Variants in LOXHD1 observed in about 807,000 individuals in gnomAD.
LOXHD1 encodes the protein lipoxygenase homology PLAT domains 1.
In LOXHD1, 205 loss-of-function variants were observed where a neutral mutation model predicts 248.2. The observed-to-expected ratio is 0.83, with a 90% confidence interval of 0.74 to 0.93. The LOEUF is 0.93. Among genes scored for constraint, LOXHD1 ranks in the 40% least tolerant of loss-of-function variants. LOXHD1 has a pLI of 0.00. For missense variants in LOXHD1, 2,930 were observed against 2,971.6 expected, an observed-to-expected ratio of 0.99 and a Z score of 0.33; for synonymous variants, 1,113 against 1,162.8, an observed-to-expected ratio of 0.96 and a Z score of 0.87.
At chr18:46,579,895 T>G in intron 12 of LOXHD1, 111 bp from the exon 13 acceptor site, 1 of 1,282,122 alleles carries the variant, frequency 7.8e-7, no homozygotes, top group South Asian at 1.5e-5. Flanking sequence ...AGTTCTCATC[T>G]GGGCTGACCT....
At position 46,559,437 on chromosome 18, in the gene LOXHD1, C is replaced by A; in HGVS notation, c.3216+11G>T. 6.4e-7 allele frequency: 1 copy of A among 1,552,024 alleles called. No homozygotes were observed. The stretch of plus-strand genomic sequence containing the variant: ...CAGCCCCCACCCAGGGGCCAGAGAC[C>A]CTCACCCTACCTGCCCCTGCTCAAA... On this transcript the variant is annotated intron_variant, in intron 20 of 40. Coordinates refer to ENST00000642948, the MANE Select transcript of LOXHD1 (RefSeq NM_001384474.1).
At position 46,542,861 on chromosome 18, in the gene LOXHD1, G is replaced by A; in HGVS notation, c.3620-6C>T. Reference sequence around the variant, plus strand: ...GGACTTCAGGAGGGTCATTCCTGTGGATCAGATGACCCCAGCATGACTGGC... The same window carrying A: ...GGACTTCAGGAGGGTCATTCCTGTGAATCAGATGACCCCAGCATGACTGGC... On this transcript the variant is annotated splice_region_variant and splice_polypyrimidine_tract_variant and intron_variant, in intron 23 of 40. Coordinates refer to ENST00000642948, the MANE Select transcript of LOXHD1 (RefSeq NM_001384474.1). The A allele has an allele frequency of 6.4e-7, 1 of 1,551,616 alleles. No homozygotes were observed. Among genetic ancestry groups the A allele is most frequent in the Non-Finnish European group, 8.7e-7 (1 of 1,147,006 alleles).
At chr18:46,584,096 G>A (rs1019372603) in intron 12 of LOXHD1, among the ~76,000 whole-genome samples, 1 of 152,056 alleles carries the variant, frequency 6.6e-6, no homozygotes, top group Non-Finnish European at 1.5e-5. Context: ...TAAGCCAGAC[G>A]CAGAAAGACC....
At chr18:46,567,573 G>GT (rs1489413088) in intron 16 of LOXHD1, among the ~76,000 whole-genome samples, 1 of 152,216 alleles carries the variant, frequency 6.6e-6, no homozygotes, top group East Asian at 1.9e-4. Flanking sequence ...AAAGACAGAG[G>GT]TAAGTGTCTG....
rs544111783 is a variant in LOXHD1, at chr18:46,557,892, T to A, written c.3217-403A>T. 5 of 1,113,484 alleles carry A rather than the reference T, an allele frequency of 4.5e-6. No individual in the cohort carries two copies. The East Asian group carries it at 2.8e-4, about 62-fold the overall frequency. 69.0% of individuals were successfully genotyped at this position (1,113,484 alleles called of 1,614,324 possible). A position where few individuals can be genotyped will look rare whatever the true frequency, so the allele number is the denominator to read the frequency against. ...ATAATCTGCTTCAATCACATATTTGTATTAAGTACCTGCTATGAGCTGGTG... is the reference window on the plus strand; with the variant it reads ...ATAATCTGCTTCAATCACATATTTGAATTAAGTACCTGCTATGAGCTGGTG... On this transcript the variant is annotated intron_variant, in intron 20 of 40. Coordinates refer to ENST00000642948, the MANE Select transcript of LOXHD1 (RefSeq NM_001384474.1).
At chr18:46,635,362 T>C (rs1297472243) in intron 4 of LOXHD1, among the ~76,000 whole-genome samples, 2 of 152,170 alleles carry the variant, frequency 1.3e-5, no homozygotes, top group African/African-American at 2.4e-5. Context: ...AATCACAGGC[T>C]CTGACCTCTT....
rs926081611 is a variant in LOXHD1, at chr18:46,505,923, C to T, written c.5793G>A (p.Glu1931=). 4.5e-6 allele frequency: 7 copies of T among 1,552,046 alleles called. No homozygotes were observed. Among genetic ancestry groups the T allele is most frequent in the Middle Eastern group, 1.7e-4 (1 of 5,994 alleles). ...AGTTGAATGTGTCCGTGTTGTTCCG[C>T]TCAAACTTGTTCCAGTTTGCCGACT... ...LKQSANWNKF[E]RNNTDTFNFP... is the part of the protein sequence containing the mutation. Residue 1931 remains glutamate, a synonymous_variant, in exon 37 of 41, where the codon GAG becomes GAA. Transcript: ENST00000642948.
chr18:46,506,132 C>G (rs1427288913), intron 36 of LOXHD1, 109 bp from the exon 37 acceptor site: 1 of 1,224,088 alleles, frequency 8.2e-7, no homozygotes, highest in Non-Finnish European at 1.1e-6. Context: ...TACAGGTGGA[C>G]AGAGTACAGA....
At chr18:46,538,469 T>G in intron 25 of LOXHD1, 132 bp from the exon 26 acceptor site, 1 of 905,362 alleles carries the variant, frequency 1.1e-6, no homozygotes, top group Non-Finnish European at 1.7e-6. Flanking sequence ...GGGGAACTGC[T>G]GCTCAGGGAC....
intron 19 of LOXHD1, 35 bp downstream of exon 19, chr18:46,560,048 T>TGCCAGCCC: frequency 1.6e-6 from 2 of 1,226,298 alleles, no homozygotes; most frequent in Non-Finnish European, 2.3e-6. Flanking sequence ...GTCTGGCCAC[T>TGCCAGCCC]CCCTCCCCAC....
chr18:46,523,208 A>C (rs1213187629), intron 31 of LOXHD1, among the ~76,000 whole-genome samples: 4 of 152,196 alleles, frequency 2.6e-5, no homozygotes, highest in Non-Finnish European at 5.9e-5. Flanking sequence ...TGGCCTCCCA[A>C]AGTGCTGGGA....
chr18:46,622,254 G>T (rs2038678607), intron 4 of LOXHD1, among the ~76,000 whole-genome samples: 1 of 152,176 alleles, frequency 6.6e-6, no homozygotes, highest in Non-Finnish European at 1.5e-5. Flanking sequence ...CTGCTGTTGT[G>T]GCATGAAAGC....
At chr18:46,587,671 A>G (rs1301535090) in intron 12 of LOXHD1, among the ~76,000 whole-genome samples, 1 of 152,252 alleles carries the variant, frequency 6.6e-6, no homozygotes, top group African/African-American at 2.4e-5. Flanking sequence ...TTAAAATTAC[A>G]GCTCTGATTA....
intron 20 of LOXHD1, 164 bp downstream of exon 20, chr18:46,559,284 C>G: frequency 1.3e-6 from 2 of 1,538,354 alleles, no homozygotes; most frequent in South Asian, 1.2e-5. Context: ...AACCCCTCCA[C>G]AAAGTATCAG....
At chr18:46,510,157 T>C (rs2034871255) in intron 34 of LOXHD1, among the ~76,000 whole-genome samples, 1 of 152,198 alleles carries the variant, frequency 6.6e-6, no homozygotes, top group African/African-American at 2.4e-5. Context: ...CCCTGCAATC[T>C]CACAAAACTG....
chr18:46,560,691 TCCA>T, intron 18 of LOXHD1, 146 bp from the exon 19 acceptor site: 1 of 727,276 alleles, frequency 1.4e-6, no homozygotes, highest in East Asian at 2.7e-5. Context: ...CTCAGATCCT[TCCA>T]CCACCTCCCT....
In LOXHD1 at chr18:46,656,894, G is replaced by T; in HGVS notation, c.130+10C>A. 1.3e-6 allele frequency: 2 copies of T among 1,551,204 alleles called. No individual in the cohort carries two copies. Among genetic ancestry groups the T allele is most frequent in the Middle Eastern group, 1.7e-4 (1 of 5,986 alleles). On this transcript the variant is annotated intron_variant, in intron 1 of 40. Coordinates refer to ENST00000642948, the MANE Select transcript of LOXHD1 (RefSeq NM_001384474.1). Reference sequence around the variant, plus strand: ...GCACCACCCGCCCCCCGCAGGCTGGGACCCCGCACCTCTGGCCTTGTAGTA... The same window carrying T: ...GCACCACCCGCCCCCCGCAGGCTGGTACCCCGCACCTCTGGCCTTGTAGTA...
chr18:46,578,045 TCCA>T (rs2037893669), intron 13 of LOXHD1, among the ~76,000 whole-genome samples, 178 bp from the exon 14 acceptor site: 1 of 152,158 alleles, frequency 6.6e-6, no homozygotes, highest in Non-Finnish European at 1.5e-5. Flanking sequence ...CCCAATTTCT[TCCA>T]CTGGAATATC....
At chr18:46,538,074 G>T in intron 26 of LOXHD1, 82 bp downstream of exon 26, 2 of 1,242,620 alleles carry the variant, frequency 1.6e-6, no homozygotes, top group Non-Finnish European at 2.2e-6. Context: ...TGAAGGGCAT[G>T]TGTTCTGCCC....
Sources: allele counts gnomAD v4.1 joint callset (sites outside exome capture counted in the v4.1 genomes callset), GRCh38; gene constraint gnomAD v4.1.1; transcripts MANE v1.5; gene names NCBI Gene and HGNC (gene_info 2026-07-23, HGNC 2026-07-21).